Variants in QTGAL observed in about 807,000 individuals in gnomAD.
QTGAL encodes the protein BGnT-like protein 1.
chr17:82,957,113 GAGC>G, the QTGAL span: 2 of 1,594,898 alleles, frequency 1.3e-6, no homozygotes, highest in Non-Finnish European at 1.7e-6. Context: ...GGAAGGCTCG[GAGC>G]AGCTGTCCCT....
At chr17:82,992,814 G>A in the QTGAL span, among the ~76,000 whole-genome samples, 7 of 152,052 alleles carry the variant, frequency 4.6e-5, no homozygotes, top group African/African-American at 1.7e-4. Context: ...AAAAAGTGGG[G>A]GACAAAGTTA....
At chr17:82,954,847 T>C in the QTGAL span, among the ~76,000 whole-genome samples, 1 of 152,170 alleles carries the variant, frequency 6.6e-6, no homozygotes, top group Non-Finnish European at 1.5e-5. Flanking sequence ...AACCATCTGA[T>C]CTTCGACAAA....
At chr17:82,942,411 G>A in the QTGAL span, 5 of 1,613,932 alleles carry the variant, frequency 3.1e-6, no homozygotes, top group Non-Finnish European at 4.2e-6. Flanking sequence ...GTGTGTGTTG[G>A]AGCTGACCAG....
chr17:83,011,763 AG>A, the QTGAL span, among the ~76,000 whole-genome samples: 3,541 of 152,328 alleles, frequency 0.023, 148 homozygotes, highest in African/African-American at 0.082. Context: ...AAGAGTAGCA[AG>A]AAAAAGGTTT....
At chr17:83,039,440 C>T in the QTGAL span, among the ~76,000 whole-genome samples, 1 of 110,784 alleles carries the variant, frequency 9.0e-6, no homozygotes, top group Non-Finnish European at 2.0e-5. Flanking sequence ...GCTGGGCGCC[C>T]GCCGCCCGCC....
chr17:82,943,867 G>A, the QTGAL span: 1 of 152,296 alleles, frequency 6.6e-6, no homozygotes, highest in African/African-American at 2.4e-5. Flanking sequence ...CCGATTGGCT[G>A]GGGTCACGTG....
At chr17:83,022,177 C>T in the QTGAL span, among the ~76,000 whole-genome samples, 3 of 152,212 alleles carry the variant, frequency 2.0e-5, no homozygotes, top group Admixed American at 1.3e-4. Context: ...TCTTATTTTT[C>T]TTTAAGTGAT....
chr17:82,949,706 C>T, the QTGAL span: 4 of 152,116 alleles, frequency 2.6e-5, no homozygotes, highest in African/African-American at 4.8e-5. Context: ...CGGACGCTGC[C>T]GGGTTCCAGC....
chr17:82,942,930 C>T, the QTGAL span: 3 of 201,850 alleles, frequency 1.5e-5, no homozygotes, highest in Admixed American at 1.1e-4. Context: ...TGCTAGAGAA[C>T]TGAGAAGCCC....
chr17:83,023,956 T>C, the QTGAL span, among the ~76,000 whole-genome samples: 1 of 152,208 alleles, frequency 6.6e-6, no homozygotes, highest in South Asian at 2.1e-4. Context: ...AAGTGCTTCC[T>C]CCCCTGTGGA....
At chr17:82,969,066 G>A in the QTGAL span, among the ~76,000 whole-genome samples, 3,325 of 151,694 alleles carry the variant, frequency 0.022, 125 homozygotes, top group African/African-American at 0.074. Flanking sequence ...CCCAGGAGGC[G>A]GAGGTTGCAG....
the QTGAL span, among the ~76,000 whole-genome samples, chr17:83,047,521 A>C: frequency 1.4e-5 from 2 of 142,506 alleles, no homozygotes; most frequent in Admixed American, 6.9e-5. Flanking sequence ...GGTCTATAAT[A>C]AATCCCTACC....
the QTGAL span, among the ~76,000 whole-genome samples, chr17:83,028,462 C>T: frequency 1.4e-5 from 2 of 144,598 alleles, no homozygotes; most frequent in African/African-American, 5.2e-5. Context: ...GGGGCGGAGC[C>T]TGCAGTGAGC....
chr17:82,959,206 G>A, the QTGAL span, among the ~76,000 whole-genome samples: 194 of 151,962 alleles, frequency 1.3e-3, no homozygotes, highest in African/African-American at 4.3e-3. Context: ...GCAGGTGTTC[G>A]GAGTACATGC....
chr17:83,049,411 G>GTT, the QTGAL span, among the ~76,000 whole-genome samples: 1 of 147,182 alleles, frequency 6.8e-6, no homozygotes, highest in Admixed American at 6.9e-5. Flanking sequence ...ATAACTGGTT[G>GTT]GTTTTTTTTT....
chr17:83,046,974 C>T, the QTGAL span, among the ~76,000 whole-genome samples: 4 of 152,308 alleles, frequency 2.6e-5, no homozygotes, highest in East Asian at 3.9e-4. Context: ...CAAAAGAGCA[C>T]GTGGAACCTG....
At chr17:83,006,429 G>A in the QTGAL span, 1 of 984,984 alleles carries the variant, frequency 1.0e-6, no homozygotes, top group African/African-American at 1.7e-5. The surrounding 1 kb of genome is among the most constrained non-coding windows in gnomAD (Gnocchi z 5.8). Flanking sequence ...GCAGCTGTAA[G>A]AAACAACTGT....
chr17:83,026,030 G>C, the QTGAL span, among the ~76,000 whole-genome samples: 1 of 152,230 alleles, frequency 6.6e-6, no homozygotes, highest in Admixed American at 6.5e-5. Context: ...AAAGGGGAAA[G>C]AGAAATGAGC....
At chr17:83,027,587 C>T in the QTGAL span, among the ~76,000 whole-genome samples, 2 of 150,476 alleles carry the variant, frequency 1.3e-5, no homozygotes, top group Non-Finnish European at 2.9e-5. Context: ...CTGTAATCTC[C>T]ATGCTTTGAG....
Sources: gnomAD v4.1 joint callset for allele counts (sites outside exome capture counted in the v4.1 genomes callset) on GRCh38, gnomAD v4.1.1 for gene constraint, Gnocchi (gnomAD v3.1) non-coding constraint, MANE v1.5 for transcripts, NCBI Gene and HGNC (gene_info 2026-07-23, HGNC 2026-07-21) for gene names.